The following NBEA variants were observed in gnomAD, a reference collection of about 807,000 sequenced individuals.
NBEA encodes the protein neurobeachin.
NBEA carries 44 observed loss-of-function variants against 343.4 expected under a neutral mutation model. The observed-to-expected ratio is 0.13, with a 90% CI of 0.10 to 0.16. The LOEUF is 0.16. Ranked by LOEUF, NBEA falls within the 10% of genes least tolerant of loss-of-function variation. NBEA has a pLI of 1.00. For synonymous variants in NBEA, 1,175 were observed against 1,238.7 expected (o/e 0.95, Z 1.08); for missense variants, 2,555 against 3,631.3 (o/e 0.70, Z 7.62).
intron 6 of NBEA, among the ~76,000 whole-genome samples, chr13:35,052,451 A>G (rs940220325): frequency 4.6e-5 from 7 of 151,954 alleles, no homozygotes; most frequent in African/African-American, 1.7e-4. Context: ...ATTTATTTTC[A>G]TATCTTCAAT....
chr13:35,444,177 A>G (rs931369538), intron 39 of NBEA, among the ~76,000 whole-genome samples: 15 of 151,930 alleles, frequency 9.9e-5, no homozygotes, highest in Non-Finnish European at 1.5e-4. Context: ...GAAATGTTCA[A>G]AATTGTAAAC....
At chr13:35,482,244 G>A (rs1488612058) in intron 41 of NBEA, among the ~76,000 whole-genome samples, 1 of 151,284 alleles carries the variant, frequency 6.6e-6, no homozygotes, top group Non-Finnish European at 1.5e-5. Flanking sequence ...CTTTTATCAT[G>A]TATATTATGT....
At chr13:35,209,658 T>C (rs534085391) in intron 32 of NBEA, among the ~76,000 whole-genome samples, 4 of 152,234 alleles carry the variant, frequency 2.6e-5, no homozygotes, top group Non-Finnish European at 5.9e-5. Context: ...TTCTCCAAAC[T>C]GTATAGCCTT....
At chr13:35,494,822 C>A (rs1343966158) in intron 41 of NBEA, among the ~76,000 whole-genome samples, 2 of 151,708 alleles carry the variant, frequency 1.3e-5, no homozygotes, top group Non-Finnish European at 2.9e-5. Context: ...CCAGCCTGGG[C>A]AACATGGCAA....
rs1566122311 is a variant in NBEA at position 34,984,622 on chromosome 13, A to T, written c.294+41508A>T. On this transcript the variant is annotated intron_variant, in intron 1 of 58. Transcript: ENST00000379939. ...TGATGGGGATGGCATTGAATCTATA[A>T]ATTATCTTGGGCAGTATGGCCATTT... Among the ~76,000 whole-genome samples the T allele has an allele frequency of 2.6e-5, 4 of 151,034 alleles. 2 individuals are homozygous for T. Among genetic ancestry groups the T allele is most frequent in the Non-Finnish European group, 5.9e-5 (4 of 67,458 alleles).
chr13:35,488,300 A>G (rs1386636040), intron 41 of NBEA, among the ~76,000 whole-genome samples: 1 of 151,902 alleles, frequency 6.6e-6, no homozygotes, highest in Non-Finnish European at 1.5e-5. Context: ...ACTTAATAAG[A>G]CCTCAGGATA....
chr13:35,614,056 G>T (rs1227407050), intron 48 of NBEA, among the ~76,000 whole-genome samples: 1 of 152,072 alleles, frequency 6.6e-6, no homozygotes. Flanking sequence ...CAGGTATAAG[G>T]TTATATCTCA....
chr13:35,436,078 G>T (rs1435918257), intron 39 of NBEA, among the ~76,000 whole-genome samples: 1 of 151,356 alleles, frequency 6.6e-6, no homozygotes, highest in Non-Finnish European at 1.5e-5. Flanking sequence ...AAAAAGAATG[G>T]ACTCAAAAAA....
chr13:34,976,654 G>T (rs866262589), intron 1 of NBEA, among the ~76,000 whole-genome samples: 2,004 of 127,664 alleles, frequency 0.016, 42 homozygotes, highest in African/African-American at 0.051. Context: ...TTTGTTTTTT[G>T]TTTTTTTTTT....
intron 34 of NBEA, among the ~76,000 whole-genome samples, chr13:35,273,157 C>T (rs1313874769): frequency 6.6e-6 from 1 of 152,184 alleles, no homozygotes; most frequent in Non-Finnish European, 1.5e-5. Context: ...AACTTTCTCT[C>T]AGACCACAGT....
chr13:35,599,350 G>A (rs1005987877), intron 47 of NBEA, among the ~76,000 whole-genome samples: 9 of 152,106 alleles, frequency 5.9e-5, no homozygotes, highest in African/African-American at 1.4e-4. Context: ...TTTATTCATC[G>A]ACAATTATGC....
chr13:35,347,599 A>C (rs1451312122), intron 36 of NBEA, among the ~76,000 whole-genome samples: 1 of 152,102 alleles, frequency 6.6e-6, no homozygotes, highest in African/African-American at 2.4e-5. Context: ...AAAAGGCCAA[A>C]TCATTGTTTT....
chr13:35,221,270 G>A (rs918923670), intron 33 of NBEA, among the ~76,000 whole-genome samples: 3 of 151,900 alleles, frequency 2.0e-5, no homozygotes, highest in Non-Finnish European at 2.9e-5. Context: ...TTTGAACCCA[G>A]GAGGCCAAGG....
intron 49 of NBEA, among the ~76,000 whole-genome samples, chr13:35,638,700 A>G (rs2083807951): frequency 6.6e-6 from 1 of 152,230 alleles, no homozygotes; most frequent in Non-Finnish European, 1.5e-5. Flanking sequence ...AATCAGCTAC[A>G]TTAAAATGCA....
intron 40 of NBEA, among the ~76,000 whole-genome samples, chr13:35,460,792 A>G (rs758987380): frequency 3.3e-5 from 5 of 152,240 alleles, no homozygotes; most frequent in African/African-American, 1.2e-4. Flanking sequence ...TCTGTTGTTT[A>G]TAACAGGATA....
At chr13:35,142,219 G>A (rs765893239) in intron 17 of NBEA, 50 bp from the exon 18 acceptor site, 26 of 1,157,314 alleles carry the variant, frequency 2.2e-5, no homozygotes, top group Middle Eastern at 4.0e-4. Context: ...TCATGTGATC[G>A]GAGAATCCAA....
At chr13:35,403,321 C>T (rs903332880) in intron 38 of NBEA, among the ~76,000 whole-genome samples, 6 of 151,818 alleles carry the variant, frequency 4.0e-5, no homozygotes, top group African/African-American at 1.5e-4. Context: ...TATAGGGTTG[C>T]AAAGCTGCAT....
chr13:35,147,470 G>A (rs529423540), intron 18 of NBEA, among the ~76,000 whole-genome samples: 4 of 152,158 alleles, frequency 2.6e-5, no homozygotes, highest in Admixed American at 6.5e-5. Context: ...CCCTTAGGAG[G>A]GTAGGAAACA....
chr13:35,142,743 A>G lies in NBEA; in HGVS notation c.2445+366A>G, dbSNP rs548447775. Reference sequence around the variant, plus strand: ...TCCTACTCTCTCTCTTTCTGCTTCTATTAGCTATCCACTGCCAGTATTAAG... The same window carrying G: ...TCCTACTCTCTCTCTTTCTGCTTCTGTTAGCTATCCACTGCCAGTATTAAG... On this transcript the variant is annotated intron_variant, in intron 18 of 58. Transcript: ENST00000379939. 7.9e-5 allele frequency among the ~76,000 whole-genome samples: 12 copies of G among 151,840 alleles called. No homozygotes were observed. The South Asian group carries it at 1.0e-3, about 13-fold the overall frequency.
Sources: gnomAD v4.1 joint callset for allele counts (sites outside exome capture counted in the v4.1 genomes callset) on GRCh38, gnomAD v4.1.1 for gene constraint, MANE v1.5 for transcripts, NCBI Gene and HGNC (gene_info 2026-07-23, HGNC 2026-07-21) for gene names.